The following SUN2 variants were observed in gnomAD, a reference collection of about 807,000 sequenced individuals.
SUN2 encodes the protein Sad1 and UNC84 domain containing 2, also known as SUN domain-containing protein 2.
SUN2 carries 60 observed loss-of-function variants against 100.0 expected under a neutral mutation model. The observed-to-expected ratio is 0.60, with a 90% CI of 0.49 to 0.74. The LOEUF is 0.74. Ranked by LOEUF, SUN2 falls within the 30% of genes least tolerant of loss-of-function variation. The probability of loss-of-function intolerance (pLI) is 0.00; values close to 1 mark genes in which losing one functional copy is unlikely to be tolerated. For missense variants in SUN2, 834 were observed against 954.6 expected (o/e 0.87, Z 1.66); for synonymous variants, 367 against 403.3 (o/e 0.91, Z 1.08).
Position 38,755,769 on chromosome 22 carries a change from C to T in SUN2, c.-44G>A. The T allele has an allele frequency of 1.0e-6, 1 of 984,850 alleles. No individual in the cohort carries two copies. The highest frequency in any genetic ancestry group is 4.7e-5 in the South Asian group (1 of 21,292). The allele number at this position is 984,850 out of a possible 1,614,324, so 61.0% of individuals were successfully genotyped here. Reference sequence around the variant, plus strand: ...TGAGCTCGCCCGCACTCACCTGCTGCCGCGGCGGCTTCTAGCCCGGCCGGG... The same window carrying T: ...TGAGCTCGCCCGCACTCACCTGCTGTCGCGGCGGCTTCTAGCCCGGCCGGG... On this transcript the variant is annotated 5_prime_UTR_variant, in exon 1 of 18. Transcript: ENST00000689035. The surrounding 1 kb of genome is among the most constrained non-coding windows in gnomAD (Gnocchi z 5.7).
intron 7 of SUN2, among the ~76,000 whole-genome samples, chr22:38,746,783 G>C (rs1300356485): frequency 6.6e-6 from 1 of 152,232 alleles, no homozygotes; most frequent in Admixed American, 6.5e-5. Context: ...TGTAATCCCA[G>C]CACTTTGGGA....
intron 4 of SUN2, 108 bp from the exon 5 acceptor site, chr22:38,750,428 A>C (rs1406591270): frequency 6.5e-7 from 1 of 1,537,858 alleles, no homozygotes; most frequent in Non-Finnish European, 8.8e-7. Context: ...TCACATCCCC[A>C]CAGCCCCACA....
At position 38,734,789 on chromosome 22, in the gene SUN2, A is replaced by T. The variant is rs938787934; in HGVS notation, c.*1478T>A. On this transcript the variant is annotated 3_prime_UTR_variant, in exon 18 of 18. Transcript: ENST00000689035. The stretch of plus-strand genomic sequence containing the variant: ...ATAAATTAGGATCTGGAGATAAAAA[A>T]CTTAAGAACCAATAGTGCAGCATTT... 5.6e-6 allele frequency: 1 copy of T among 178,322 alleles called. No individual in the cohort carries two copies. Among genetic ancestry groups the T allele is most frequent in the African/African-American group, 2.4e-5 (1 of 41,590 alleles). The allele number at this position is 178,322 out of a possible 1,614,324, so 11.0% of individuals were successfully genotyped here.
In SUN2 at chr22:38,750,893, C is replaced by T. The variant is rs2146078388; in HGVS notation, c.424+5G>A. ...TCTGCTCAGGAGGGAGGAAGCATCG[C>T]CTACCCACGTAGTCGTCCTCAGAGG... On this transcript the variant is annotated splice_donor_5th_base_variant and intron_variant, in intron 4 of 17. Transcript: ENST00000689035. The T allele has an allele frequency of 6.2e-7, 1 of 1,614,006 alleles. No individual in the cohort carries two copies.
At chr22:38,746,039 A>T (rs2092901261) in intron 7 of SUN2, among the ~76,000 whole-genome samples, 2 of 152,206 alleles carry the variant, frequency 1.3e-5, no homozygotes, top group South Asian at 2.1e-4. Flanking sequence ...GGAATCCTTC[A>T]TCTTTCTGTA....
In SUN2 at chr22:38,735,149, C is replaced by T. The variant is rs1403229849; in HGVS notation, c.*1118G>A. 1 of 423,508 alleles carries T rather than the reference C, an allele frequency of 2.4e-6. No homozygotes were observed. Among genetic ancestry groups the T allele is most frequent in the Non-Finnish European group, 4.7e-6 (1 of 214,618 alleles). The allele number at this position is 423,508 out of a possible 1,614,324, so 26.2% of individuals were successfully genotyped here. A position where few individuals can be genotyped will look rare whatever the true frequency, so the allele number is the denominator to read the frequency against. On this transcript the variant is annotated 3_prime_UTR_variant, in exon 18 of 18. Coordinates refer to ENST00000689035, the MANE Select transcript of SUN2 (RefSeq NM_015374.3). ...AGTGGGGCCTGCTGGCTCTAAAAGTCCCCTCCTCCCCCTTCCCTATCCAGG... is the reference window on the plus strand; with the variant it reads ...AGTGGGGCCTGCTGGCTCTAAAAGTTCCCTCCTCCCCCTTCCCTATCCAGG...
In SUN2 at chr22:38,740,996, G is replaced by C; in HGVS notation, c.1190+11C>G. ...AGGAGCAGGCCGAGGCCAGCTGGTG[G>C]CGCCCAGTACCTTTGCCACTCTGAC... On this transcript the variant is annotated intron_variant, in intron 11 of 17. Coordinates refer to ENST00000689035, the MANE Select transcript of SUN2 (RefSeq NM_015374.3). This position sits in a 1 kb window ranked among gnomAD's most constrained non-coding sequence, Gnocchi z 4.8. 1 of 1,588,278 alleles carries C rather than the reference G, an allele frequency of 6.3e-7. No individual in the cohort carries two copies.
In SUN2 at chr22:38,755,488, G is replaced by C; in HGVS notation, c.-38+275C>G. On this transcript the variant is annotated intron_variant, in intron 1 of 17. Transcript: ENST00000689035. This position sits in a 1 kb window ranked among gnomAD's most constrained non-coding sequence, Gnocchi z 5.7. ...GCCCGGGGCCGGGTTGGGGCAGTCG[G>C]CCTTTGCCCTCCTCCTCCCGGGAGG... The C allele has an allele frequency of 1.0e-6, 1 of 986,946 alleles. No individual in the cohort carries two copies. Among genetic ancestry groups the C allele is most frequent in the Non-Finnish European group, 1.2e-6 (1 of 830,774 alleles). 61.1% of individuals were successfully genotyped at this position (986,946 alleles called of 1,614,324 possible).
intron 8 of SUN2, among the ~76,000 whole-genome samples, chr22:38,744,222 G>A (rs1021217873): frequency 9.3e-5 from 13 of 139,290 alleles, no homozygotes; most frequent in Non-Finnish European, 1.1e-4. Flanking sequence ...CCTGGGTGAC[G>A]CAGCATTCCA....
chr22:38,754,533 C>A, intron 1 of SUN2: 4 of 979,172 alleles, frequency 4.1e-6, no homozygotes, highest in Admixed American at 2.5e-5. Flanking sequence ...GAAAAGGGAC[C>A]GATTGGTAGT....
chr22:38,746,347 G>A (rs1296213668), intron 7 of SUN2, among the ~76,000 whole-genome samples: 1 of 152,190 alleles, frequency 6.6e-6, no homozygotes, highest in East Asian at 1.9e-4. Flanking sequence ...CCAGACACGA[G>A]CACCAAGCTG....
chr22:38,752,357 C>T (rs1045180215), intron 2 of SUN2, 150 bp downstream of exon 2: 50 of 905,868 alleles, frequency 5.5e-5, no homozygotes, highest in Non-Finnish European at 7.3e-5. Flanking sequence ...CAAGGAAGGA[C>T]CCCCTCGACC....
Position 38,741,491 on chromosome 22 carries a change from G to T in SUN2, c.1146+3C>A, listed in dbSNP as rs2092857349. The T allele has an allele frequency of 1.2e-6, 2 of 1,613,840 alleles. No individual in the cohort carries two copies. Among genetic ancestry groups the T allele is most frequent in the Non-Finnish European group, 1.7e-6 (2 of 1,180,008 alleles). On this transcript the variant is annotated splice_donor_region_variant and intron_variant, in intron 10 of 17. Coordinates refer to ENST00000689035, the MANE Select transcript of SUN2 (RefSeq NM_015374.3). ...AGGCCCTGAGTGCCGCAAGCCCGCT[G>T]ACCTGGGAGGCCCGGACGATCTTCT...
chr22:38,746,967 G>T (rs1461432092), intron 7 of SUN2, among the ~76,000 whole-genome samples: 1 of 151,704 alleles, frequency 6.6e-6, no homozygotes, highest in Non-Finnish European at 1.5e-5. Context: ...CTGGGAGGTG[G>T]AGCTTGCAGT....
chr22:38,754,840 C>T, intron 1 of SUN2: 1 of 1,288,350 alleles, frequency 7.8e-7, no homozygotes. Flanking sequence ...CCTCCCAGAA[C>T]TCCCAGAGAT....
In SUN2 at chr22:38,740,099, A is replaced by T. The variant is rs1295638900; in HGVS notation, c.1357-156T>A. On this transcript the variant is annotated intron_variant, in intron 12 of 17. Transcript: ENST00000689035. This position sits in a 1 kb window ranked among gnomAD's most constrained non-coding sequence, Gnocchi z 4.8. ...ACACTCCATGGGCACTAACAAAAAC[A>T]GGAAGAACGCCTGTCAGTGAGAGCC... 1.3e-5 allele frequency among the ~76,000 whole-genome samples: 2 copies of T among 152,234 alleles called. No homozygotes were observed. The highest frequency in any genetic ancestry group is 4.8e-5 in the African/African-American group (2 of 41,472).
At position 38,739,719 on chromosome 22, in the gene SUN2, C is replaced by T. The variant is rs756055592; in HGVS notation, c.1578+3G>A. The T allele has an allele frequency of 2.0e-5, 33 of 1,612,892 alleles. No homozygotes were observed. Among genetic ancestry groups the T allele is most frequent in the Non-Finnish European group, 8.5e-6 (10 of 1,179,640 alleles). On this transcript the variant is annotated splice_donor_region_variant and intron_variant, in intron 13 of 17. Coordinates refer to ENST00000689035, the MANE Select transcript of SUN2 (RefSeq NM_015374.3). The surrounding 1 kb of genome is among the most constrained non-coding windows in gnomAD (Gnocchi z 6.7). ...TGTGTGGAGAGGGGCATGTGGGCCT[C>T]ACCTCCTCTGTCACTCCAATCACAC...
In SUN2 at chr22:38,738,672, G is replaced by T; in HGVS notation, c.1862C>A (p.Pro621His). ...AVVRLSARIR[P>H]TAVTLEHVPK... The stretch of plus-strand genomic sequence containing the variant: ...CACATGCTCTAAGGTAACGGCTGTG[G>T]GGCGGATGCGGGCAGAGAGGCGGAC... Residue 621 changes from proline (P) to histidine (H), a missense_variant, in exon 16 of 18, where the codon CCC becomes CAC. This residue lies in a region of SUN2 where 195 missense variants were observed against 280.2 expected (regional missense o/e 0.70). Transcript: ENST00000689035. This position sits in a 1 kb window ranked among gnomAD's most constrained non-coding sequence, Gnocchi z 6.6. 1 of 1,613,946 alleles carries T rather than the reference G, an allele frequency of 6.2e-7. No homozygotes were observed. Among genetic ancestry groups the T allele is most frequent in the Non-Finnish European group, 8.5e-7 (1 of 1,180,024 alleles).
At chr22:38,746,180 G>A (rs986779949) in intron 7 of SUN2, among the ~76,000 whole-genome samples, 2 of 152,214 alleles carry the variant, frequency 1.3e-5, no homozygotes, top group Non-Finnish European at 2.9e-5. Flanking sequence ...GTACAACCAG[G>A]TCTGGCCCTG....
Sources: allele counts gnomAD v4.1 joint callset (sites outside exome capture counted in the v4.1 genomes callset), GRCh38; gene constraint gnomAD v4.1.1; regional missense constraint gnomAD v4.1.1; non-coding constraint Gnocchi (gnomAD v3.1); transcripts MANE v1.5; gene names NCBI Gene and HGNC (gene_info 2026-07-23, HGNC 2026-07-21).